Variants in C1QTNF3 observed in about 807,000 individuals in gnomAD.
C1QTNF3 encodes the protein C1q and TNF related 3, also known as complement C1q tumor necrosis factor-related protein 3.
A neutral mutation model predicts 32.6 loss-of-function variants in C1QTNF3; 26 were observed. That is an observed-to-expected ratio of 0.80 (90% CI 0.58 to 1.11). The LOEUF (loss-of-function observed/expected upper bound fraction) is 1.11. Among genes scored for constraint, C1QTNF3 ranks in the 50% least tolerant of loss-of-function variants. C1QTNF3 has a pLI of 0.00. For synonymous variants in C1QTNF3, 155 were observed against 146.0 expected, an observed-to-expected ratio of 1.06 and a Z score of -0.44; for missense variants, 362 against 398.2, an observed-to-expected ratio of 0.91 and a Z score of 0.77.
At chr5:34,057,986 G>T in the C1QTNF3 span, among the ~76,000 whole-genome samples, 9 of 152,270 alleles carry the variant, frequency 5.9e-5, no homozygotes, top group African/African-American at 2.2e-4. Context: ...TGGCTCCTGG[G>T]CTTCCTTCAC....
In C1QTNF3 at chr5:34,028,889, G is replaced by A. The variant is rs1031149128; in HGVS notation, c.571-6C>T. On this transcript the variant is annotated splice_region_variant and splice_polypyrimidine_tract_variant and intron_variant, in intron 3 of 5. Coordinates refer to ENST00000382065, the MANE Select transcript of C1QTNF3 (RefSeq NM_181435.6). ...AGAGAAGCCATGAATGCAATCTAAGGAAAGAATTATTGGTCAATAAATAGG... is the reference window on the plus strand; with the variant it reads ...AGAGAAGCCATGAATGCAATCTAAGAAAAGAATTATTGGTCAATAAATAGG... 11 of 1,605,732 alleles carry A rather than the reference G, an allele frequency of 6.9e-6. No individual in the cohort carries two copies. The highest frequency in any genetic ancestry group is 5.4e-5 in the African/African-American group (4 of 74,622).
the C1QTNF3 span, among the ~76,000 whole-genome samples, chr5:34,064,164 C>T: frequency 6.6e-6 from 1 of 152,174 alleles, no homozygotes; most frequent in Non-Finnish European, 1.5e-5. Flanking sequence ...AGCAGCCACG[C>T]TAATCTTTTT....
chr5:34,213,814 T>A, the C1QTNF3 span, among the ~76,000 whole-genome samples: 441 of 5,840 alleles, frequency 0.076, 12 homozygotes, highest in Middle Eastern at 0.12. Flanking sequence ...TATATATTTT[T>A]TTTTTTTTGT....
At chr5:34,157,921 A>G in the C1QTNF3 span, among the ~76,000 whole-genome samples, 2 of 152,078 alleles carry the variant, frequency 1.3e-5, no homozygotes, top group African/African-American at 2.4e-5. Flanking sequence ...AAAATAATAC[A>G]CAGCTCAAAA....
intron 2 of C1QTNF3, 38 bp downstream of exon 2, chr5:34,035,609 C>G: frequency 7.0e-7 from 1 of 1,438,338 alleles, no homozygotes; most frequent in African/African-American, 1.4e-5. Context: ...TTAGCTCAGG[C>G]TGCAATTAGA....
chr5:34,063,138 C>A, the C1QTNF3 span, among the ~76,000 whole-genome samples: 1 of 152,120 alleles, frequency 6.6e-6, no homozygotes, highest in South Asian at 2.1e-4. Flanking sequence ...CCTCCAATTA[C>A]CAATTAAAGG....
chr5:34,030,979 G>A (rs1754598617), intron 3 of C1QTNF3, among the ~76,000 whole-genome samples: 1 of 152,056 alleles, frequency 6.6e-6, no homozygotes, highest in African/African-American at 2.4e-5. Flanking sequence ...AATAACCAAT[G>A]GGTACTAGGC....
At chr5:34,029,735 T>C (rs930101728) in intron 3 of C1QTNF3, among the ~76,000 whole-genome samples, 2 of 152,210 alleles carry the variant, frequency 1.3e-5, no homozygotes, top group Admixed American at 6.5e-5. Flanking sequence ...ATTACACTTA[T>C]AATTTTCAAG....
At chr5:34,140,276 C>T in the C1QTNF3 span, among the ~76,000 whole-genome samples, 4 of 152,250 alleles carry the variant, frequency 2.6e-5, no homozygotes, top group East Asian at 1.9e-4. Context: ...TTGGGAGATG[C>T]GTGTGCTTCC....
the C1QTNF3 span, among the ~76,000 whole-genome samples, chr5:34,213,822 TGTGTGTGTGATGGAG>T: frequency 1.6e-4 from 3 of 19,028 alleles, no homozygotes; most frequent in African/African-American, 1.5e-4. Context: ...TTTTTTTTTT[TGTGTGTGTGATGGAG>T]TTTCGCTCTT....
At chr5:34,243,664 G>A in the C1QTNF3 span, among the ~76,000 whole-genome samples, 1 of 151,886 alleles carries the variant, frequency 6.6e-6, no homozygotes, top group South Asian at 2.1e-4. Context: ...GTCCTTTGCA[G>A]CAACATGGAT....
the C1QTNF3 span, among the ~76,000 whole-genome samples, chr5:34,077,780 T>C: frequency 6.6e-6 from 1 of 151,488 alleles, no homozygotes; most frequent in Non-Finnish European, 1.5e-5. Context: ...GTGTAACTTT[T>C]AGATAAGCCC....
chr5:34,222,116 T>C, the C1QTNF3 span, among the ~76,000 whole-genome samples: 1 of 152,012 alleles, frequency 6.6e-6, no homozygotes, highest in South Asian at 2.1e-4. Flanking sequence ...TTTTTTGTGA[T>C]TATCCAAATA....
intron 4 of C1QTNF3, among the ~76,000 whole-genome samples, chr5:34,027,158 T>C (rs1263390294): frequency 2.0e-5 from 3 of 152,224 alleles, no homozygotes; most frequent in African/African-American, 7.2e-5. Flanking sequence ...AAGTCTAAAA[T>C]TAATTCAAAG....
chr5:34,140,271 A>G, the C1QTNF3 span, among the ~76,000 whole-genome samples: 2 of 152,198 alleles, frequency 1.3e-5, no homozygotes, highest in Non-Finnish European at 2.9e-5. Flanking sequence ...ATTGTTTGGG[A>G]GATGCGTGTG....
intron 1 of C1QTNF3, among the ~76,000 whole-genome samples, chr5:34,040,227 T>C (rs909637444): frequency 3.9e-5 from 6 of 152,174 alleles, no homozygotes; most frequent in African/African-American, 1.4e-4. Context: ...CAAATTTGTA[T>C]GCAAAAGGCA....
the C1QTNF3 span, among the ~76,000 whole-genome samples, chr5:34,155,616 G>C: frequency 6.6e-6 from 1 of 152,158 alleles, no homozygotes; most frequent in South Asian, 2.1e-4. Flanking sequence ...CAGCAGAGCA[G>C]GAAATACATC....
the C1QTNF3 span, among the ~76,000 whole-genome samples, chr5:34,149,530 G>T: frequency 7.3e-3 from 4 of 546 alleles, no homozygotes; most frequent in African/African-American, 0.012. Context: ...CTACAAGCCA[G>T]AAGAGAGTGG....
At chr5:34,065,108 C>T in the C1QTNF3 span, among the ~76,000 whole-genome samples, 1 of 152,086 alleles carries the variant, frequency 6.6e-6, no homozygotes, top group Non-Finnish European at 1.5e-5. Context: ...AAACAGACAA[C>T]CTATGGACTG....
Sources: allele counts gnomAD v4.1 joint callset (sites outside exome capture counted in the v4.1 genomes callset), GRCh38; gene constraint gnomAD v4.1.1; transcripts MANE v1.5; gene names NCBI Gene and HGNC (gene_info 2026-07-23, HGNC 2026-07-21).